RMDN1: variants seen among roughly 807,000 people sequenced by gnomAD.
RMDN1 encodes the protein regulator of microtubule dynamics protein 1.
A neutral mutation model predicts 48.9 loss-of-function variants in RMDN1; 48 were observed. The observed-to-expected ratio is 0.98, with a 90% CI of 0.78 to 1.25. RMDN1 has a LOEUF of 1.25. Ranked by LOEUF, RMDN1 falls within the 50% of genes most tolerant of loss-of-function variation. The pLI, the probability that RMDN1 is intolerant of heterozygous loss-of-function variation, is 0.00. For missense variants in RMDN1, 418 were observed against 373.4 expected (o/e 1.12, Z -0.98); for synonymous variants, 148 against 132.6 (o/e 1.12, Z -0.80).
At chr8:86,514,005 ATTT>A in intron 1 of RMDN1, among the ~76,000 whole-genome samples, 1 of 145,350 alleles carries the variant, frequency 6.9e-6, no homozygotes, top group Admixed American at 6.9e-5. Flanking sequence ...ACGCCCAGCT[ATTT>A]TTTTTTTTAC....
At chr8:86,507,170 C>G in intron 1 of RMDN1, 58 bp from the exon 2 acceptor site, 1 of 1,009,324 alleles carries the variant, frequency 9.9e-7, no homozygotes. Flanking sequence ...GTACTGCTAC[C>G]CCAAGCAAAA....
upstream of RMDN1, among the ~76,000 whole-genome samples, chr8:86,510,464 C>A (rs533346786): frequency 6.6e-6 from 1 of 152,088 alleles, no homozygotes; most frequent in East Asian, 1.9e-4. Flanking sequence ...CTTGGTCTTT[C>A]ACGACATTAG....
intron 1 of RMDN1, 141 bp from the exon 2 acceptor site, chr8:86,507,253 A>C (rs1037188245): frequency 1.7e-6 from 1 of 580,994 alleles, no homozygotes. Flanking sequence ...CTTCATCAAA[A>C]TCTTTAGTAA....
chr8:86,513,162 G>A (rs573708835), upstream of RMDN1, among the ~76,000 whole-genome samples: 2 of 152,136 alleles, frequency 1.3e-5, no homozygotes, highest in Non-Finnish European at 2.9e-5. Context: ...ATCATCTGAG[G>A]TCGGGAGTTC....
At chr8:86,484,241 T>G (rs1223250302) in intron 5 of RMDN1, among the ~76,000 whole-genome samples, 1 of 152,132 alleles carries the variant, frequency 6.6e-6, no homozygotes, top group Non-Finnish European at 1.5e-5. Flanking sequence ...ATAATGAAGG[T>G]TGAGCTAGAC....
At chr8:86,470,238 G>C (rs760225327), downstream of RMDN1, 49 of 1,289,172 alleles carry the variant, frequency 3.8e-5, 1 homozygote, top group Admixed American at 8.3e-4. Context: ...ATGTACGTGG[G>C]GAAATAAGCA....
chr8:86,494,990 C>G, intron 2 of RMDN1: 1 of 398,228 alleles, frequency 2.5e-6, no homozygotes, highest in Non-Finnish European at 4.9e-6. Flanking sequence ...TAAAAATAAA[C>G]AAATATGTAG....
rs1362888604 is a variant in RMDN1, at chr8:86,474,049, A to G, written c.*259T>C. 8.4e-7 allele frequency: 1 copy of G among 1,188,290 alleles called. No homozygotes were observed. The highest frequency in any genetic ancestry group is 4.4e-5 in the East Asian group (1 of 22,774). The allele number at this position is 1,188,290 out of a possible 1,614,324, so 73.6% of individuals were successfully genotyped here. A position where few individuals can be genotyped will look rare whatever the true frequency, so the allele number is the denominator to read the frequency against. ...TGTGATCAATCCTTAGAAATCTCAT[A>G]CCATTTTGCATTGCTGGTATCCAGG... On this transcript the variant is annotated 3_prime_UTR_variant, in exon 10 of 10. Transcript: ENST00000406452.
intron 2 of RMDN1, chr8:86,504,662 G>T: frequency 1.1e-6 from 1 of 875,714 alleles, no homozygotes; most frequent in South Asian, 1.3e-5. Context: ...AGTATAATGG[G>T]ATGAGCTTTG....
At chr8:86,488,503 C>G (rs1563618167) in intron 3 of RMDN1, 49 bp downstream of exon 3, 1 of 1,204,300 alleles carries the variant, frequency 8.3e-7, no homozygotes, top group Non-Finnish European at 1.2e-6. Flanking sequence ...TGTTAAATAA[C>G]AAAAATTTTG....
At chr8:86,509,113 A>G (rs1819896044), upstream of RMDN1, among the ~76,000 whole-genome samples, 2 of 152,128 alleles carry the variant, frequency 1.3e-5, no homozygotes. Flanking sequence ...GTTGCCCAAC[A>G]TGAAGAAGGG....
intron 2 of RMDN1, chr8:86,494,994 T>C (rs1294216527): frequency 2.6e-6 from 1 of 391,602 alleles, no homozygotes; most frequent in Non-Finnish European, 4.9e-6. Flanking sequence ...AATAAACAAA[T>C]ATGTAGTAAC....
chr8:86,487,593 AT>A (rs1353731387), intron 3 of RMDN1, among the ~76,000 whole-genome samples: 1 of 137,710 alleles, frequency 7.3e-6, no homozygotes. Context: ...TCTCAAAAAA[AT>A]AAAATAAAAT....
chr8:86,509,577 T>A (rs771347638), upstream of RMDN1, among the ~76,000 whole-genome samples: 2 of 152,210 alleles, frequency 1.3e-5, no homozygotes, highest in Non-Finnish European at 2.9e-5. Flanking sequence ...TCTATGGTAC[T>A]TTTAATACTG....
Position 86,480,318 on chromosome 8 carries a change from C to T in RMDN1, c.600G>A (p.Leu200=). 1 of 1,537,816 alleles carries T rather than the reference C, an allele frequency of 6.5e-7. No homozygotes were observed. The highest frequency in any genetic ancestry group is 8.8e-7 in the Non-Finnish European group (1 of 1,129,980). Residue 200 remains leucine, a synonymous_variant, in exon 6 of 10, where the codon CTG becomes CTA. Coordinates refer to ENST00000406452, the MANE Select transcript of RMDN1 (RefSeq NM_016033.3). ...GAATTGAAGTAGCATCTTTAGGGTTCAGTTCAATTGCTTTCTAACAAGAAA... is the reference window on the plus strand; with the variant it reads ...GAATTGAAGTAGCATCTTTAGGGTTTAGTTCAATTGCTTTCTAACAAGAAA... ...IKEHFEKAIE[L]NPKDATSIHL...
chr8:86,479,425 A>C (rs1353619127), intron 6 of RMDN1, among the ~76,000 whole-genome samples: 1 of 152,222 alleles, frequency 6.6e-6, no homozygotes, highest in Non-Finnish European at 1.5e-5. Flanking sequence ...AAATAACAGC[A>C]ACCAACAACT....
chr8:86,504,241 G>A (rs1216750095), intron 2 of RMDN1: 38 of 1,564,448 alleles, frequency 2.4e-5, no homozygotes, highest in Non-Finnish European at 3.2e-5. Context: ...AAAAGAAGAG[G>A]AGAATGCTAA....
chr8:86,486,672 AT>A lies in RMDN1; in HGVS notation c.336-30del, dbSNP rs755992406. On this transcript the variant is annotated intron_variant, in intron 3 of 9. Coordinates refer to ENST00000406452, the MANE Select transcript of RMDN1 (RefSeq NM_016033.3). ...ATTTGAAATAAAATATAAAACAACC[AT>A]TTTAGCTCACATTTAAAAATTGTTA... 8.9e-6 allele frequency: 14 copies of A among 1,566,732 alleles called. No homozygotes were observed. The South Asian group carries it at 1.5e-4, about 17-fold the overall frequency.
chr8:86,498,499 C>A (rs886747088), intron 2 of RMDN1, among the ~76,000 whole-genome samples: 1 of 152,084 alleles, frequency 6.6e-6, no homozygotes, highest in Non-Finnish European at 1.5e-5. Context: ...GGCAGATGGG[C>A]TGGGCATGGT....
Sources: gnomAD v4.1 joint callset for allele counts (sites outside exome capture counted in the v4.1 genomes callset) on GRCh38, gnomAD v4.1.1 for gene constraint, MANE v1.5 for transcripts, NCBI Gene and HGNC (gene_info 2026-07-23, HGNC 2026-07-21) for gene names.